TSLP: variants seen among roughly 807,000 people sequenced by gnomAD.
TSLP encodes thymic stromal lymphopoietin, also known as thymic stroma-derived lymphopoietin.
TSLP carries 12 observed loss-of-function variants against 12.4 expected under a neutral mutation model. That is an observed-to-expected ratio of 0.97 (90% CI 0.62 to 1.57). TSLP has a LOEUF of 1.57. TSLP is among the 40% of genes most tolerant of loss of function. The probability of loss-of-function intolerance (pLI) is 0.00; values close to 1 mark genes in which losing one functional copy is unlikely to be tolerated. For synonymous variants in TSLP, 97 were observed against 69.5 expected, an observed-to-expected ratio of 1.40 and a Z score of -1.97; for missense variants, 222 against 189.6, an observed-to-expected ratio of 1.17 and a Z score of -1.00.
intron 3 of TSLP, among the ~76,000 whole-genome samples, chr5:111,074,318 G>A (rs2112545336): frequency 6.6e-6 from 1 of 152,306 alleles, no homozygotes; most frequent in East Asian, 1.9e-4. Flanking sequence ...TATAACTTCT[G>A]TGAAGACTTA....
In TSLP at chr5:111,073,659, C is replaced by T. The variant is rs1445127687; in HGVS notation, c.351+14C>T. 1.2e-6 allele frequency: 2 copies of T among 1,613,812 alleles called. No homozygotes were observed. Among genetic ancestry groups the T allele is most frequent in the African/African-American group, 2.7e-5 (2 of 74,908 alleles). On this transcript the variant is annotated intron_variant, in intron 3 of 3. Coordinates refer to ENST00000344895, the MANE Select transcript of TSLP (RefSeq NM_033035.5). ...TCGGAAACTCAGGTAAGCCCGAAGC[C>T]TCAGACGTTTGCTGTACCTTGGGGC...
At position 111,073,636 on chromosome 5, in the gene TSLP, G is replaced by A. The variant is rs1561691296; in HGVS notation, c.342G>A (p.Ser114=). The A allele has an allele frequency of 2.5e-6, 4 of 1,614,176 alleles. No homozygotes were observed. The highest frequency in any genetic ancestry group is 2.2e-5 in the East Asian group (1 of 44,892). The stretch of plus-strand genomic sequence containing the variant: ...TAGCTATCTGGTGCCCAGGCTATTC[G>A]GAAACTCAGGTAAGCCCGAAGCCTC... The part of the protein sequence containing the change: ...AALAIWCPGY[S]ETQINATQAM... The change falls in exon 3 of 4, where the codon TCG becomes TCA. Residue 114 remains serine (S), a synonymous_variant. Transcript: ENST00000344895.
rs1295256333 is a variant in TSLP, at chr5:111,075,954, T to C, written c.360T>C (p.Ala120=). ...ATTCTTATATTCTGCAGATAAATGC[T>C]ACTCAGGCAATGAAGAAGAGGAGAA... The part of the protein sequence containing the change: ...CPGYSETQIN[A]TQAMKKRRKR... Residue 120 remains alanine, a synonymous_variant, in exon 4 of 4, where the codon GCT becomes GCC. Coordinates refer to ENST00000344895, the MANE Select transcript of TSLP (RefSeq NM_033035.5). 1 of 1,613,230 alleles carries C rather than the reference T, an allele frequency of 6.2e-7. No individual in the cohort carries two copies. The highest frequency in any genetic ancestry group is 1.7e-5 in the Admixed American group (1 of 59,622).
chr5:111,076,158 A>G lies in TSLP; in HGVS notation c.*84A>G. On this transcript the variant is annotated 3_prime_UTR_variant, in exon 4 of 4. Coordinates refer to ENST00000344895, the MANE Select transcript of TSLP (RefSeq NM_033035.5). ...ATGAAACATTAACTCTAACTGTGACAAAGAAGACCACAAATAGTTATCTTT... is the reference window on the plus strand; with the variant it reads ...ATGAAACATTAACTCTAACTGTGACGAAGAAGACCACAAATAGTTATCTTT... The G allele has an allele frequency of 3.5e-6, 5 of 1,439,464 alleles. No homozygotes were observed. In the South Asian group the frequency reaches 6.2e-5, roughly 18 times the overall value. 89.2% of individuals were successfully genotyped at this position (1,439,464 alleles called of 1,614,324 possible).
intron 1 of TSLP, 97 bp downstream of exon 1, chr5:111,072,158 T>A: frequency 9.3e-7 from 1 of 1,078,150 alleles, no homozygotes; most frequent in African/African-American, 1.6e-5. Flanking sequence ...GAAAAATAAT[T>A]TAGAAAAAAT....
chr5:111,071,416 GAT>G, upstream of TSLP: 1 of 1,502,562 alleles, frequency 6.7e-7, no homozygotes, highest in Non-Finnish European at 8.9e-7. Context: ...AAATAGAAAG[GAT>G]TGGTCACGGA....
rs865849959 is a variant in TSLP at position 111,076,634 on chromosome 5, A to G, written c.*560A>G. 20 of 152,696 alleles carry G rather than the reference A, an allele frequency of 1.3e-4. No homozygotes were observed. Among genetic ancestry groups the G allele is most frequent in the African/African-American group, 4.8e-4 (20 of 41,600 alleles). 9.5% of individuals were successfully genotyped at this position (152,696 alleles called of 1,614,324 possible). On this transcript the variant is annotated 3_prime_UTR_variant, in exon 4 of 4. Coordinates refer to ENST00000344895, the MANE Select transcript of TSLP (RefSeq NM_033035.5). ...ATTATCTAACAGACAAGAGTGGTATATACAAGTAGATCCTGAGAAGTACCT... is the reference window on the plus strand; with the variant it reads ...ATTATCTAACAGACAAGAGTGGTATGTACAAGTAGATCCTGAGAAGTACCT...
chr5:111,076,461 A>G lies in TSLP; in HGVS notation c.*387A>G, dbSNP rs1343341378. 1.2e-5 allele frequency: 2 copies of G among 166,890 alleles called. No individual in the cohort carries two copies. The highest frequency in any genetic ancestry group is 2.6e-5 in the Non-Finnish European group (2 of 78,104). The allele number at this position is 166,890 out of a possible 1,614,324, so 10.3% of individuals were successfully genotyped here. On this transcript the variant is annotated 3_prime_UTR_variant, in exon 4 of 4. Transcript: ENST00000344895. ...AAAGACAGACATTCCTTCTACATGT[A>G]ATGACACTTCTTGTGTTAAACTAAA...
At chr5:111,071,470 G>C, upstream of TSLP, 1 of 1,540,790 alleles carries the variant, frequency 6.5e-7, no homozygotes, top group Non-Finnish European at 8.7e-7. Flanking sequence ...GTTTCTTAAA[G>C]GACATTCACA....
In TSLP at chr5:111,072,140, G is replaced by A. The variant is rs1270596426; in HGVS notation, c.171+79G>A. 2.8e-5 allele frequency: 34 copies of A among 1,232,218 alleles called. No individual in the cohort carries two copies. The East Asian group carries it at 7.9e-4, about 29-fold the overall frequency. 76.3% of individuals were successfully genotyped at this position (1,232,218 alleles called of 1,614,324 possible). A position where few individuals can be genotyped will look rare whatever the true frequency, so the allele number is the denominator to read the frequency against. On this transcript the variant is annotated intron_variant, in intron 1 of 3. Coordinates refer to ENST00000344895, the MANE Select transcript of TSLP (RefSeq NM_033035.5). Reference sequence around the variant, plus strand: ...TACACACACTCTACAATTTAACTTTGTAGGAAAGAAAAATAATTTAGAAAA... The same window carrying A: ...TACACACACTCTACAATTTAACTTTATAGGAAAGAAAAATAATTTAGAAAA...
At chr5:111,075,609 G>C (rs1489474596) in intron 3 of TSLP, among the ~76,000 whole-genome samples, 1 of 152,106 alleles carries the variant, frequency 6.6e-6, no homozygotes, top group Non-Finnish European at 1.5e-5. Context: ...AGTGCTATGG[G>C]GAATACCTAT....
intron 2 of TSLP, 93 bp from the exon 3 acceptor site, chr5:111,073,418 C>T: frequency 3.8e-6 from 6 of 1,580,776 alleles, no homozygotes; most frequent in Non-Finnish European, 4.3e-6. Flanking sequence ...TCCTCCCTGA[C>T]CTTCCTCCCC....
chr5:111,071,636 T>C, upstream of TSLP: 1 of 1,446,682 alleles, frequency 6.9e-7, no homozygotes, highest in Non-Finnish European at 9.2e-7. Flanking sequence ...AATGACATGG[T>C]AGAAAATCAT....
Position 111,071,858 on chromosome 5 carries a change from G to C in TSLP, c.-33G>C, listed in dbSNP as rs11466738. Reference sequence around the variant, plus strand: ...TTACACTCGTGGTGGGAAGAGTTTAGTGTGAAACTGGGGTGGAATTGGGTG... The same window carrying C: ...TTACACTCGTGGTGGGAAGAGTTTACTGTGAAACTGGGGTGGAATTGGGTG... On this transcript the variant is annotated 5_prime_UTR_variant, in exon 1 of 4. Transcript: ENST00000344895. 3,520 of 1,606,170 alleles carry C rather than the reference G, an allele frequency of 2.2e-3. 60 individuals carry two copies. The African/African-American group carries it at 0.039, about 18-fold the overall frequency.
chr5:111,073,954 T>C (rs1196406724), intron 3 of TSLP, among the ~76,000 whole-genome samples: 1 of 152,202 alleles, frequency 6.6e-6, no homozygotes, highest in Non-Finnish European at 1.5e-5. Flanking sequence ...AGAGTATGGC[T>C]GCTAAAAATG....
Position 111,072,917 on chromosome 5 carries a change from C to G in TSLP, c.201C>G (p.Val67=). ...GTKSTEFNNT[V]SCSNRPHCLT... Reference sequence around the variant, plus strand: ...AAAGTACCGAGTTCAACAACACCGTCTCTTGTAGCAATCGGGTGAGTAGAG... The same window carrying G: ...AAAGTACCGAGTTCAACAACACCGTGTCTTGTAGCAATCGGGTGAGTAGAG... The change falls in exon 2 of 4, where the codon GTC becomes GTG. Residue 67 remains valine, a synonymous_variant. Coordinates refer to ENST00000344895, the MANE Select transcript of TSLP (RefSeq NM_033035.5). 6.2e-7 allele frequency: 1 copy of G among 1,614,244 alleles called. No homozygotes were observed. Among genetic ancestry groups the G allele is most frequent in the South Asian group, 1.1e-5 (1 of 91,090 alleles).
rs1277407182 is a variant in TSLP, at chr5:111,077,882, A to G, written c.*1808A>G. On this transcript the variant is annotated 3_prime_UTR_variant, in exon 4 of 4. Coordinates refer to ENST00000344895, the MANE Select transcript of TSLP (RefSeq NM_033035.5). ...AGAGATTGCATCATACTAATTTAGT[A>G]AGAACGTTCCCAAATGTTGTAACAA... 3.9e-5 allele frequency: 6 copies of G among 152,648 alleles called. No homozygotes were observed. The highest frequency in any genetic ancestry group is 1.2e-4 in the African/African-American group (5 of 41,464). The allele number at this position is 152,648 out of a possible 1,614,324, so 9.5% of individuals were successfully genotyped here.
At chr5:111,073,227 G>A (rs2044874984) in intron 2 of TSLP, 5 of 1,336,060 alleles carry the variant, frequency 3.7e-6, no homozygotes, top group Non-Finnish European at 4.9e-6. Context: ...CCGCGCTCGG[G>A]CTCGGAATTT....
Position 111,071,810 on chromosome 5 carries a change from C to G in TSLP, c.-81C>G. On this transcript the variant is annotated 5_prime_UTR_variant, in exon 1 of 4. Transcript: ENST00000344895. ...AAACCTGGTGCTTGAGCACTGGCCC[C>G]TAAGGCAGGCCTTACAGATCTCTTA... 1 of 1,525,402 alleles carries G rather than the reference C, an allele frequency of 6.6e-7. No individual in the cohort carries two copies. The highest frequency in any genetic ancestry group is 8.9e-7 in the Non-Finnish European group (1 of 1,120,024). 94.5% of individuals were successfully genotyped at this position (1,525,402 alleles called of 1,614,324 possible). A position where few individuals can be genotyped will look rare whatever the true frequency, so the allele number is the denominator to read the frequency against.
Sources: allele counts gnomAD v4.1 joint callset (sites outside exome capture counted in the v4.1 genomes callset), GRCh38; gene constraint gnomAD v4.1.1; transcripts MANE v1.5; gene names NCBI Gene and HGNC (gene_info 2026-07-23, HGNC 2026-07-21).